The following SPIDR variants were observed in gnomAD, a reference collection of about 807,000 sequenced individuals.
SPIDR encodes the protein DNA repair-scaffolding protein.
SPIDR carries 93 observed loss-of-function variants against 104.6 expected under a neutral mutation model. The observed-to-expected ratio is 0.89, with a 90% CI of 0.75 to 1.06. SPIDR has a LOEUF of 1.06. Ranked by LOEUF, SPIDR falls within the 50% of genes least tolerant of loss-of-function variation. The pLI, the probability that SPIDR is intolerant of heterozygous loss-of-function variation, is 0.00. For synonymous variants in SPIDR, 431 were observed against 416.9 expected, an observed-to-expected ratio of 1.03 and a Z score of -0.41; for missense variants, 1,154 against 1,111.2, an observed-to-expected ratio of 1.04 and a Z score of -0.55.
intron 5 of SPIDR, among the ~76,000 whole-genome samples, chr8:47,319,206 T>G: frequency 6.6e-6 from 1 of 152,110 alleles, no homozygotes; most frequent in Non-Finnish European, 1.5e-5. Flanking sequence ...ACCCATCTCA[T>G]GTGCAGAAGA....
At chr8:47,300,681 AT>A (rs1265557139) in intron 5 of SPIDR, among the ~76,000 whole-genome samples, 1 of 152,130 alleles carries the variant, frequency 6.6e-6, no homozygotes, top group Admixed American at 6.5e-5. Flanking sequence ...GAACATCTTT[AT>A]TTCTGCCTTC....
At chr8:47,527,739 C>CA (rs2085255861) in intron 8 of SPIDR, 1 of 152,220 alleles carries the variant, frequency 6.6e-6, no homozygotes, top group Non-Finnish European at 1.5e-5. Context: ...TGGTTGGGTT[C>CA]ACCAGATGTT....
chr8:47,619,223 G>T (rs1055794351), intron 10 of SPIDR, among the ~76,000 whole-genome samples: 1 of 152,162 alleles, frequency 6.6e-6, no homozygotes, highest in Non-Finnish European at 1.5e-5. Context: ...TCTACACAAT[G>T]AATCTCTGCA....
chr8:47,559,474 CCT>C (rs1213772177), intron 8 of SPIDR, among the ~76,000 whole-genome samples: 1 of 152,226 alleles, frequency 6.6e-6, no homozygotes, highest in African/African-American at 2.4e-5. Flanking sequence ...GACCCCCTCC[CCT>C]GTGAGCTGGT....
intron 8 of SPIDR, among the ~76,000 whole-genome samples, chr8:47,471,989 TTATAAA>T (rs1278340426): frequency 2.0e-5 from 3 of 152,374 alleles, no homozygotes; most frequent in African/African-American, 7.2e-5. Flanking sequence ...ATCATTAGAC[TTATAAA>T]TAGTATAAGA....
At chr8:47,417,816 G>T (rs1159984793) in intron 7 of SPIDR, among the ~76,000 whole-genome samples, 1 of 152,096 alleles carries the variant, frequency 6.6e-6, no homozygotes, top group East Asian at 1.9e-4. Context: ...TGTAAGGAAG[G>T]GATCCAGTTT....
In SPIDR at chr8:47,386,898, GAGAGAGATATAGATAT is replaced by G. The variant is rs1418452880; in HGVS notation, c.526-9474_526-9459del. On this transcript the variant is annotated intron_variant, in intron 5 of 19. Transcript: ENST00000297423. ...GAGGGGAGAGAGAGAGAGAAAGAGA[GAGAGAGATATAGATAT>G]AGATATAGATATAGATATAGATATA... Among the ~76,000 whole-genome samples, 472 of 78,568 alleles carry G rather than the reference GAGAGAGATATAGATAT, an allele frequency of 6.0e-3. 10 individuals are homozygous for G. Among genetic ancestry groups the G allele is most frequent in the African/African-American group, 0.019 (429 of 22,660 alleles). 51.5% of individuals were successfully genotyped at this position (78,568 alleles called of 152,430 possible).
intron 5 of SPIDR, among the ~76,000 whole-genome samples, chr8:47,315,901 A>G (rs1172119820): frequency 3.3e-5 from 5 of 152,192 alleles, no homozygotes; most frequent in Non-Finnish European, 4.4e-5. Flanking sequence ...TAAAGTATAA[A>G]GCTTTTAGAA....
At chr8:47,401,467 A>G (rs970497418) in intron 6 of SPIDR, among the ~76,000 whole-genome samples, 3 of 152,194 alleles carry the variant, frequency 2.0e-5, no homozygotes, top group African/African-American at 2.4e-5. Context: ...GACAGGATCA[A>G]ATTCACACAT....
chr8:47,445,788 T>C (rs1554701163), intron 8 of SPIDR, among the ~76,000 whole-genome samples: 1 of 152,216 alleles, frequency 6.6e-6, no homozygotes, highest in African/African-American at 2.4e-5. Context: ...GGAGAAAGTT[T>C]GAGTTGTCTG....
At chr8:47,352,520 A>G (rs1587542804) in intron 5 of SPIDR, among the ~76,000 whole-genome samples, 2 of 152,290 alleles carry the variant, frequency 1.3e-5, no homozygotes, top group African/African-American at 4.8e-5. Flanking sequence ...AGGAAGGGCT[A>G]AACATTTTTC....
intron 10 of SPIDR, among the ~76,000 whole-genome samples, chr8:47,652,581 T>C (rs565370728): frequency 4.7e-4 from 72 of 152,356 alleles, no homozygotes; most frequent in Non-Finnish European, 9.1e-4. Context: ...ATATGGTTCG[T>C]CTTCAAATTT....
At chr8:47,422,543 C>A (rs1481350979) in intron 7 of SPIDR, among the ~76,000 whole-genome samples, 1 of 152,242 alleles carries the variant, frequency 6.6e-6, no homozygotes, top group Non-Finnish European at 1.5e-5. Context: ...AATTCCCTGA[C>A]CCCTTGTGCT....
chr8:47,299,490 G>C (rs2041603481), intron 5 of SPIDR, among the ~76,000 whole-genome samples: 1 of 152,110 alleles, frequency 6.6e-6, no homozygotes, highest in South Asian at 2.1e-4. Flanking sequence ...ACACTATGTT[G>C]AATAGGAGTG....
chr8:47,457,986 G>A (rs1341555832), intron 8 of SPIDR, among the ~76,000 whole-genome samples: 2 of 152,136 alleles, frequency 1.3e-5, no homozygotes, highest in Non-Finnish European at 2.9e-5. Flanking sequence ...TGCTGTTTTG[G>A]TGGCTATGGC....
At chr8:47,592,220 T>C (rs2061111141) in intron 8 of SPIDR, 1 of 1,324,894 alleles carries the variant, frequency 7.5e-7, no homozygotes, top group Non-Finnish European at 1.1e-6. Flanking sequence ...GGTCTTCCAC[T>C]GCTCTGCTAC....
At chr8:47,652,949 A>G (rs562925719) in intron 10 of SPIDR, among the ~76,000 whole-genome samples, 1 of 152,300 alleles carries the variant, frequency 6.6e-6, no homozygotes, top group Non-Finnish European at 1.5e-5. Context: ...TAGGCCCACT[A>G]CAGTAGCAGT....
At position 47,673,515 on chromosome 8, in the gene SPIDR, G is replaced by T. The variant is rs370057166; in HGVS notation, c.1545-286G>T. The T allele has an allele frequency of 6.0e-5, 31 of 517,340 alleles. 1 individual carries two copies. Among genetic ancestry groups the T allele is most frequent in the African/African-American group, 5.3e-4 (28 of 52,586 alleles). 32.0% of individuals were successfully genotyped at this position (517,340 alleles called of 1,614,324 possible). ...GTACTTTTCAGCCATATTTGGCTTA[G>T]GTTTTAGTTTCATGCCTGTGGATGG... On this transcript the variant is annotated intron_variant, in intron 10 of 19. Transcript: ENST00000297423.
chr8:47,296,627 G>A (rs1299972765), intron 5 of SPIDR, among the ~76,000 whole-genome samples: 1 of 152,148 alleles, frequency 6.6e-6, no homozygotes, highest in Non-Finnish European at 1.5e-5. Context: ...TAGTTGGTCG[G>A]TTTTTATGCT....
Sources: allele counts gnomAD v4.1 joint callset (sites outside exome capture counted in the v4.1 genomes callset), GRCh38; gene constraint gnomAD v4.1.1; transcripts MANE v1.5; gene names NCBI Gene and HGNC (gene_info 2026-07-23, HGNC 2026-07-21).